Variants in ERMARD observed in about 807,000 individuals in gnomAD.
ERMARD encodes endoplasmic reticulum membrane-associated RNA degradation protein.
In ERMARD, 71 loss-of-function variants were observed where a neutral mutation model predicts 83.9. The observed-to-expected ratio is 0.85, with a 90% CI of 0.70 to 1.03. The LOEUF (loss-of-function observed/expected upper bound fraction) is 1.03, where lower values mean the gene tolerates loss of function less well. Ranked by LOEUF, ERMARD falls within the 50% of genes least tolerant of loss-of-function variation. The pLI is 0.00. For missense variants in ERMARD, 838 were observed against 810.9 expected (o/e 1.03, Z -0.41); for synonymous variants, 284 against 298.6 (o/e 0.95, Z 0.50).
At chr6:169,751,799 T>C (rs1790135325) in intron 1 of ERMARD, 136 bp downstream of exon 1, 2 of 1,288,244 alleles carry the variant, frequency 1.6e-6, no homozygotes, top group Non-Finnish European at 2.0e-6. Flanking sequence ...TGGAGGGCGC[T>C]GGCGACGTCG....
chr6:169,755,322 G>A lies in ERMARD; in HGVS notation c.215G>A (p.Gly72Asp), dbSNP rs757189673. The A allele has an allele frequency of 6.2e-6, 10 of 1,614,020 alleles. No homozygotes were observed. In the African/African-American group the frequency reaches 1.2e-4, roughly 19 times the overall value. ...LDYWGSVRLL[G>D]PVCEAVHSHF... The stretch of plus-strand genomic sequence containing the variant: ...TACTGGGGAAGCGTGAGGCTGCTGG[G>A]CCCTGTGTGTGAGGCTGTCCATTCA... Residue 72 changes from glycine to aspartate, a missense_variant, in exon 3 of 18, where the codon GGC becomes GAC. Coordinates refer to ENST00000366773, the MANE Select transcript of ERMARD (RefSeq NM_018341.3).
At chr6:169,776,401 G>T in intron 15 of ERMARD, 54 bp from the exon 16 acceptor site, 1 of 1,581,106 alleles carries the variant, frequency 6.3e-7, no homozygotes, top group East Asian at 2.3e-5. Flanking sequence ...CAGAAGGAGA[G>T]TGAGGCCCAG....
At chr6:169,758,857 G>A (rs563398704) in intron 5 of ERMARD, 111 bp from the exon 6 acceptor site, 4 of 946,190 alleles carry the variant, frequency 4.2e-6, no homozygotes, top group African/African-American at 3.3e-5. Flanking sequence ...CTATATACTA[G>A]CCAAAACTGT....
At chr6:169,771,597 A>G (rs1792925261) in intron 12 of ERMARD, 1 of 152,196 alleles carries the variant, frequency 6.6e-6, no homozygotes, top group African/African-American at 2.4e-5. Flanking sequence ...ATTGAAGCTT[A>G]TTCAGGGACA....
At chr6:169,766,995 G>C (rs1792290936) in intron 10 of ERMARD, 1 of 242,158 alleles carries the variant, frequency 4.1e-6, no homozygotes, top group Admixed American at 5.5e-5. Context: ...CCCCGCTACT[G>C]TTACAAGTGT....
intron 11 of ERMARD, among the ~76,000 whole-genome samples, chr6:169,769,214 G>A (rs1792586979): frequency 6.6e-6 from 1 of 152,204 alleles, no homozygotes; most frequent in Non-Finnish European, 1.5e-5. Context: ...GCTCACACAA[G>A]AAAGAGCCGT....
At position 169,776,586 on chromosome 6, in the gene ERMARD, C is replaced by A. The variant is rs1255325418; in HGVS notation, c.1652C>A (p.Thr551Asn). The A allele has an allele frequency of 6.2e-7, 1 of 1,614,248 alleles. No individual in the cohort carries two copies. The highest frequency in any genetic ancestry group is 1.1e-5 in the South Asian group (1 of 91,082). Residue 551 changes from threonine (T) to asparagine (N), a missense_variant, in exon 16 of 18, where the codon ACC (threonine) becomes AAC (asparagine). Coordinates refer to ENST00000366773, the MANE Select transcript of ERMARD (RefSeq NM_018341.3). Reference protein sequence around the residue: ...EQCRRVSSQVTVASELRHRQW... With the variant: ...EQCRRVSSQVNVASELRHRQW... Reference sequence around the variant, plus strand: ...TGCCGCCGTGTGTCCAGCCAGGTCACCGTTGCCTCAGAGCTGAGACACAGG... The same window carrying A: ...TGCCGCCGTGTGTCCAGCCAGGTCAACGTTGCCTCAGAGCTGAGACACAGG...
intron 5 of ERMARD, among the ~76,000 whole-genome samples, chr6:169,757,535 C>G (rs1438414245): frequency 6.6e-6 from 1 of 152,068 alleles, no homozygotes; most frequent in Non-Finnish European, 1.5e-5. Flanking sequence ...TTTAAACTTA[C>G]AGTGGAAAAA....
rs758832628 is a variant in ERMARD, at chr6:169,779,191, A to G, written c.1749A>G (p.Leu583=). The G allele has an allele frequency of 6.2e-6, 10 of 1,613,674 alleles. No individual in the cohort carries two copies. The Admixed American group carries it at 8.3e-5, about 13-fold the overall frequency. The stretch of plus-strand genomic sequence containing the variant: ...TTTTATCTGTTTTTAGTATCAGACT[A>G]CTGTCCCCTGTGCTCAGCCTGATAC... ...NYLRMWSSIR[L]LSPVLSLILL... The change falls in exon 17 of 18, where the codon CTA becomes CTG. Residue 583 remains leucine (L), a synonymous_variant. Transcript: ENST00000366773.
At chr6:169,755,607 C>T (rs1211208365) in intron 3 of ERMARD, 185 bp downstream of exon 3, 2 of 637,962 alleles carry the variant, frequency 3.1e-6, no homozygotes, top group Non-Finnish European at 5.2e-6. Flanking sequence ...AGAAACATGC[C>T]CCTTGGAACA....
chr6:169,762,278 T>C, intron 8 of ERMARD, 151 bp from the exon 9 acceptor site: 1 of 655,412 alleles, frequency 1.5e-6, no homozygotes. Flanking sequence ...AGAGATGGGG[T>C]TTCCCAGGCT....
intron 16 of ERMARD, among the ~76,000 whole-genome samples, chr6:169,778,630 T>C (rs1231958263): frequency 2.0e-5 from 3 of 152,248 alleles, no homozygotes; most frequent in Non-Finnish European, 4.4e-5. Context: ...CTGCTCAATT[T>C]ACACTCTTAC....
intron 12 of ERMARD, chr6:169,773,077 A>G (rs1793164092): frequency 2.4e-6 from 1 of 420,624 alleles, no homozygotes; most frequent in Non-Finnish European, 4.2e-6. Context: ...TTTTGTGCAC[A>G]GAGGGTGGGT....
At chr6:169,768,722 T>C (rs572626892) in intron 11 of ERMARD, among the ~76,000 whole-genome samples, 2 of 152,292 alleles carry the variant, frequency 1.3e-5, no homozygotes, top group Admixed American at 1.3e-4. Flanking sequence ...GCTGAGATCC[T>C]GCCACTGCAC....
chr6:169,781,423 T>G lies in ERMARD; in HGVS notation c.1947T>G (p.His649Gln). Residue 649 changes from histidine (H) to glutamine (Q), a missense_variant, in exon 18 of 18, where the codon CAT (histidine) becomes CAG (glutamine). His to Gln is a conservative substitution (Grantham distance 24). Transcript: ENST00000366773. The part of the protein sequence containing the change: ...NKWNETINLT[H>Q]TALLKMWTFS... ...GGAATGAAACTATCAATCTTACACA[T>G]ACAGCTTTGTTGAAAATGTGGACTT... The G allele has an allele frequency of 6.2e-7, 1 of 1,613,152 alleles. No individual in the cohort carries two copies. Among genetic ancestry groups the G allele is most frequent in the Admixed American group, 1.7e-5 (1 of 59,928 alleles).
At chr6:169,772,389 C>CA in intron 12 of ERMARD, among the ~76,000 whole-genome samples, 1 of 152,202 alleles carries the variant, frequency 6.6e-6, no homozygotes, top group South Asian at 2.1e-4. Context: ...GGCTCTTACA[C>CA]ACCTGAGTGA....
intron 16 of ERMARD, 85 bp downstream of exon 16, chr6:169,776,758 C>T (rs1793655517): frequency 2.1e-6 from 3 of 1,458,648 alleles, no homozygotes; most frequent in African/African-American, 1.4e-5. Flanking sequence ...CTTCCAGACA[C>T]ACACAGTAGC....
chr6:169,766,012 C>CTCACTGAAGTGATTTCGTCATGCTGTCTG (rs1325644491), intron 9 of ERMARD, among the ~76,000 whole-genome samples: 26 of 144,072 alleles, frequency 1.8e-4, no homozygotes, highest in Admixed American at 6.1e-4. Context: ...TCTGTCAAAT[C>CTCACTGAAGTGATTTCGTCATGCTGTCTG]TCACTGAAGT....
intron 6 of ERMARD, among the ~76,000 whole-genome samples, chr6:169,759,565 A>C (rs1346750765): frequency 6.6e-6 from 1 of 152,090 alleles, no homozygotes; most frequent in Non-Finnish European, 1.5e-5. Flanking sequence ...GACTACAGGC[A>C]CACGCCACTA....
Sources: gnomAD v4.1 joint callset for allele counts (sites outside exome capture counted in the v4.1 genomes callset) on GRCh38, gnomAD v4.1.1 for gene constraint, MANE v1.5 for transcripts, NCBI Gene and HGNC (gene_info 2026-07-23, HGNC 2026-07-21) for gene names.